Variants in SDK1 observed in about 807,000 individuals in gnomAD.
SDK1 encodes the protein sidekick cell adhesion molecule 1, also known as protein sidekick-1.
SDK1 carries 157 observed loss-of-function variants against 245.5 expected under a neutral mutation model. The observed-to-expected ratio is 0.64, with a 90% CI of 0.56 to 0.73. The LOEUF (loss-of-function observed/expected upper bound fraction) is 0.73. Among genes scored for constraint, SDK1 ranks in the 30% least tolerant of loss-of-function variants. The pLI, the probability that SDK1 is intolerant of heterozygous loss-of-function variation, is 0.00. For missense variants in SDK1, 3,583 were observed against 3,002.3 expected (o/e 1.19, Z -4.52); for synonymous variants, 1,647 against 1,278.5 (o/e 1.29, Z -6.15).
chr7:3,416,319 G>C (rs1387140506), intron 1 of SDK1, among the ~76,000 whole-genome samples: 1 of 152,112 alleles, frequency 6.6e-6, no homozygotes, highest in African/African-American at 2.4e-5. Flanking sequence ...TGTTCAGATA[G>C]TGGAGAACTG....
At chr7:3,590,893 C>T (rs1473600684) in intron 1 of SDK1, among the ~76,000 whole-genome samples, 1 of 151,466 alleles carries the variant, frequency 6.6e-6, no homozygotes, top group Non-Finnish European at 1.5e-5. Context: ...AGCGATCCTC[C>T]TGCCTCAGCT....
chr7:3,953,886 G>C lies in SDK1; in HGVS notation c.1150+1966G>C, dbSNP rs563025714. ...AGCAGGTAGGATTTTTGTGGTTGGC[G>C]CACACTGCAAAAACCCTGAAGAGAG... On this transcript the variant is annotated intron_variant, in intron 7 of 44. Transcript: ENST00000404826. Among the ~76,000 whole-genome samples, 5 of 152,178 alleles carry C rather than the reference G, an allele frequency of 3.3e-5. No homozygotes were observed. In the South Asian group the frequency reaches 1.0e-3, roughly 32 times the overall value.
intron 1 of SDK1, among the ~76,000 whole-genome samples, chr7:3,325,215 T>A (rs980125364): frequency 1.3e-5 from 2 of 152,100 alleles, no homozygotes; most frequent in African/African-American, 4.8e-5. Flanking sequence ...ATGTTAAACA[T>A]TGACTACACA....
At chr7:3,545,997 GTCT>G (rs1386497798) in intron 1 of SDK1, among the ~76,000 whole-genome samples, 1 of 152,132 alleles carries the variant, frequency 6.6e-6, no homozygotes, top group East Asian at 1.9e-4. Context: ...TGATATTTCT[GTCT>G]TCATTATTTT....
At chr7:3,593,304 C>T (rs1780945252) in intron 1 of SDK1, among the ~76,000 whole-genome samples, 1 of 152,066 alleles carries the variant, frequency 6.6e-6, no homozygotes, top group African/African-American at 2.4e-5. Flanking sequence ...GTGTAGGGCG[C>T]ATGGAGCACT....
At chr7:4,259,282 T>C (rs899596828) in intron 44 of SDK1, among the ~76,000 whole-genome samples, 1 of 151,936 alleles carries the variant, frequency 6.6e-6, no homozygotes, top group African/African-American at 2.4e-5. Context: ...CTACTAAAAA[T>C]ACAAAAATTA....
intron 4 of SDK1, among the ~76,000 whole-genome samples, chr7:3,811,667 G>A (rs1205028572): frequency 6.6e-6 from 1 of 152,120 alleles, no homozygotes; most frequent in African/African-American, 2.4e-5. Flanking sequence ...GGAGCCCCAG[G>A]CCAGCCCCGC....
Position 4,265,675 on chromosome 7 carries a change from C to T in SDK1, c.*291C>T. The T allele has an allele frequency of 8.4e-7, 1 of 1,191,094 alleles. No individual in the cohort carries two copies. Among genetic ancestry groups the T allele is most frequent in the Non-Finnish European group, 1.0e-6 (1 of 964,984 alleles). The allele number at this position is 1,191,094 out of a possible 1,614,324, so 73.8% of individuals were successfully genotyped here. A position where few individuals can be genotyped will look rare whatever the true frequency, so the allele number is the denominator to read the frequency against. On this transcript the variant is annotated 3_prime_UTR_variant, in exon 45 of 45. Transcript: ENST00000404826. ...TTGGCACCTCCGGGGCCTGGGAGGA[C>T]CTCAGACCTCCCCAGCCCTGGGTTT...
At chr7:3,755,873 A>T (rs1223368195) in intron 4 of SDK1, among the ~76,000 whole-genome samples, 1 of 152,176 alleles carries the variant, frequency 6.6e-6, no homozygotes, top group Admixed American at 6.5e-5. Context: ...AGTGCGTGTG[A>T]CACATGCATG....
intron 1 of SDK1, among the ~76,000 whole-genome samples, chr7:3,591,710 T>C (rs1403540450): frequency 6.6e-6 from 1 of 152,242 alleles, no homozygotes; most frequent in Non-Finnish European, 1.5e-5. Context: ...ATTTGTATTC[T>C]TTGCACTCGT....
intron 5 of SDK1, among the ~76,000 whole-genome samples, chr7:3,839,138 C>G (rs1469747688): frequency 2.0e-5 from 3 of 152,188 alleles, no homozygotes; most frequent in African/African-American, 7.2e-5. Flanking sequence ...GAGAACACGC[C>G]TGGGGTCTTC....
intron 5 of SDK1, among the ~76,000 whole-genome samples, chr7:3,937,984 C>T (rs1045752256): frequency 6.6e-5 from 10 of 152,110 alleles, no homozygotes; most frequent in African/African-American, 2.4e-4. Context: ...ATTACAGGCA[C>T]CTACCACCAC....
chr7:4,033,627 A>G (rs890688711), intron 17 of SDK1, among the ~76,000 whole-genome samples: 1 of 152,188 alleles, frequency 6.6e-6, no homozygotes, highest in African/African-American at 2.4e-5. Context: ...GAAGAAGAAG[A>G]AAATTAGAAG....
chr7:3,684,355 C>T (rs1021262522), intron 4 of SDK1, among the ~76,000 whole-genome samples: 1 of 152,196 alleles, frequency 6.6e-6, no homozygotes, highest in South Asian at 2.1e-4. Flanking sequence ...CTCCCCCTTC[C>T]TGGTGGTTGT....
intron 4 of SDK1, among the ~76,000 whole-genome samples, chr7:3,780,221 CTG>C (rs1448920775): frequency 6.6e-6 from 1 of 152,210 alleles, no homozygotes; most frequent in Non-Finnish European, 1.5e-5. Context: ...CAGTGCCAGA[CTG>C]AGAGGATTTC....
intron 8 of SDK1, among the ~76,000 whole-genome samples, chr7:3,959,512 A>T (rs146587701): frequency 2.1e-3 from 326 of 152,318 alleles, no homozygotes; most frequent in Non-Finnish European, 3.6e-3. Context: ...CAAAGCTGGG[A>T]GTGCGTCCGT....
intron 38 of SDK1, among the ~76,000 whole-genome samples, chr7:4,214,317 C>T (rs1413868695): frequency 1.3e-5 from 2 of 152,222 alleles, no homozygotes; most frequent in Non-Finnish European, 2.9e-5. Context: ...CCGCTGGCTG[C>T]ACAGCCGAGT....
intron 20 of SDK1, among the ~76,000 whole-genome samples, chr7:4,069,745 G>A (rs1470042474): frequency 1.3e-5 from 2 of 152,216 alleles, no homozygotes; most frequent in Admixed American, 6.5e-5. Context: ...GGATGACAGC[G>A]GCAATGATGA....
chr7:4,100,130 A>G (rs1310865373), intron 22 of SDK1, among the ~76,000 whole-genome samples: 1 of 152,164 alleles, frequency 6.6e-6, no homozygotes, highest in Non-Finnish European at 1.5e-5. Flanking sequence ...GAATTTAGAA[A>G]TATTAGCAGG....
Sources: allele counts gnomAD v4.1 joint callset (sites outside exome capture counted in the v4.1 genomes callset), GRCh38; gene constraint gnomAD v4.1.1; transcripts MANE v1.5; gene names NCBI Gene and HGNC (gene_info 2026-07-23, HGNC 2026-07-21).